ATM: variants seen among roughly 807,000 people sequenced by gnomAD.
The protein encoded by ATM is serine-protein kinase ATM.
Under a neutral mutation model 387.0 loss-of-function variants are expected in ATM, and 308 were observed. The ratio of observed to expected loss-of-function variants is 0.80; its 90% CI spans 0.73 to 0.87. The LOEUF (loss-of-function observed/expected upper bound fraction) is 0.87, where lower values mean the gene tolerates loss of function less well. ATM is among the 40% of genes least tolerant of loss of function. ATM has a pLI of 0.00. For missense variants in ATM, 3,312 were observed against 3,560.9 expected (o/e 0.93, Z 1.78); for synonymous variants, 1,156 against 1,187.3 (o/e 0.97, Z 0.54).
In ATM at chr11:108,364,976, C is replaced by G. The variant is rs548090330; in HGVS notation, c.8851-106C>G. The G allele has an allele frequency of 3.6e-5, 48 of 1,316,232 alleles. No individual in the cohort carries two copies. The East Asian group carries it at 1.1e-3, about 31-fold the overall frequency. 81.5% of individuals were successfully genotyped at this position (1,316,232 alleles called of 1,614,324 possible). A position where few individuals can be genotyped will look rare whatever the true frequency, so the allele number is the denominator to read the frequency against. On this transcript the variant is annotated intron_variant, in intron 61 of 62. Coordinates refer to ENST00000675843, the MANE Select transcript of ATM (RefSeq NM_000051.4). ...CATGATGTTTGTTCCCCTCCCCCAT[C>G]AACTACCATGTGACTGGCTTATTTG... is the stretch of plus-strand genomic sequence containing the variant.
intron 4 of ATM, among the ~76,000 whole-genome samples, chr11:108,233,815 C>G (rs374756852): frequency 6.6e-6 from 1 of 151,976 alleles, no homozygotes. Context: ...CCACTGCACT[C>G]CAGCTTGGGT....
At chr11:108,334,454 A>C (rs575343577) in intron 54 of ATM, among the ~76,000 whole-genome samples, 1 of 152,352 alleles carries the variant, frequency 6.6e-6, no homozygotes, top group African/African-American at 2.4e-5. Context: ...TATTGCAAGA[A>C]ATAATGGAAG....
chr11:108,283,251 G>C (rs942087128), intron 25 of ATM, among the ~76,000 whole-genome samples: 2 of 152,162 alleles, frequency 1.3e-5, no homozygotes, highest in African/African-American at 4.8e-5. Flanking sequence ...ATTACTAGTA[G>C]CTGGTTATTT....
Position 108,250,834 on chromosome 11 carries a change from C to T in ATM, c.1369C>T (p.Arg457Ter), listed in dbSNP as rs749036865. The change falls in exon 10 of 63, where the codon CGA becomes TGA. Residue 457 changes from arginine (R) to a stop codon, truncating the protein, a stop_gained. Coordinates refer to ENST00000675843, the MANE Select transcript of ATM (RefSeq NM_000051.4). LOFTEE classifies it high-confidence loss of function. ...RHGERTPYVL[R>*]CLTEVALCQD... ...TGGGGAACGTACACCATATGTGTTA[C>T]GATGCCTTACGGAAGTTGCATTGTG... The T allele has an allele frequency of 5.6e-6, 9 of 1,613,956 alleles. No individual in the cohort carries two copies. The highest frequency in any genetic ancestry group is 2.2e-5 in the East Asian group (1 of 44,898).
intron 16 of ATM, among the ~76,000 whole-genome samples, chr11:108,266,728 G>A (rs1187620370): frequency 4.6e-5 from 7 of 151,342 alleles, no homozygotes; most frequent in Admixed American, 1.3e-4. Flanking sequence ...TGGACATTTA[G>A]TAGAAAAAGT....
At chr11:108,364,998 T>A (rs2137856910) in intron 61 of ATM, 84 bp from the exon 62 acceptor site, 1 of 1,506,746 alleles carries the variant, frequency 6.6e-7, no homozygotes, top group Non-Finnish European at 9.1e-7. Context: ...GACTGGCTTA[T>A]TTGTATGATA....
chr11:108,360,722 A>T (rs2090626792), intron 61 of ATM, among the ~76,000 whole-genome samples: 1 of 141,850 alleles, frequency 7.0e-6, no homozygotes, highest in South Asian at 2.4e-4. Context: ...TAGATGCAGA[A>T]AAAGCCTTTG....
chr11:108,358,099 A>C (rs1392001435), intron 61 of ATM, among the ~76,000 whole-genome samples: 1 of 151,106 alleles, frequency 6.6e-6, no homozygotes, highest in Admixed American at 6.6e-5. Context: ...GAAGTGCTTA[A>C]AGGAGCTGAT....
intron 56 of ATM, among the ~76,000 whole-genome samples, chr11:108,341,227 G>A (rs1440476320): frequency 2.0e-5 from 3 of 152,024 alleles, no homozygotes; most frequent in African/African-American, 7.2e-5. Flanking sequence ...GGGCTTTTCT[G>A]CTTCTGCCTG....
chr11:108,257,783 A>G (rs956903544), intron 15 of ATM, among the ~76,000 whole-genome samples, 177 bp downstream of exon 15: 1 of 151,758 alleles, frequency 6.6e-6, no homozygotes, highest in South Asian at 2.1e-4. Context: ...CCTAGCTAAA[A>G]TTTTCTTTTT....
intron 18 of ATM, 77 bp from the exon 19 acceptor site, chr11:108,270,987 C>T: frequency 1.6e-6 from 2 of 1,265,510 alleles, no homozygotes; most frequent in Admixed American, 1.8e-5. Context: ...AGCCACTGCA[C>T]CCGGCCTATG....
intron 36 of ATM, among the ~76,000 whole-genome samples, chr11:108,304,373 T>C (rs2083571813): frequency 6.6e-6 from 1 of 152,326 alleles, no homozygotes; most frequent in Non-Finnish European, 1.5e-5. Flanking sequence ...AGTGGTGATA[T>C]AATTTCATTT....
rs35813860 is a variant in ATM, at chr11:108,248,888, C to CA, written c.1066-31dup. 129,473 of 1,148,536 alleles carry CA rather than the reference C, an allele frequency of 0.11. 40 individuals carry two copies. Among genetic ancestry groups the CA allele is most frequent in the Non-Finnish European group, 0.12 (102,710 of 848,684 alleles). 71.1% of individuals were successfully genotyped at this position (1,148,536 alleles called of 1,614,324 possible). On this transcript the variant is annotated intron_variant, in intron 8 of 62. Coordinates refer to ENST00000675843, the MANE Select transcript of ATM (RefSeq NM_000051.4). ...GGGCAACAACAGCGAAACTCTGGCT[C>CA]AAAAAAAAAAAAAAGAAAAAAGTGG...
chr11:108,331,887 T>C lies in ATM; in HGVS notation c.7638T>C (p.Ser2546=), dbSNP rs2136515309. The C allele has an allele frequency of 6.2e-7, 1 of 1,613,358 alleles. No individual in the cohort carries two copies. Among genetic ancestry groups the C allele is most frequent in the East Asian group, 2.2e-5 (1 of 44,826 alleles). Residue 2546 remains serine, a synonymous_variant, in exon 52 of 63, where the codon TCT becomes TCC. Transcript: ENST00000675843. ...GFHEVLNNLI[S]RISMDHPHHT... ...TAGTTCTTTTCTTACAGCTAATCTCTAGAATTTCAATGGATCACCCCCATC... is the reference window on the plus strand; with the variant it reads ...TAGTTCTTTTCTTACAGCTAATCTCCAGAATTTCAATGGATCACCCCCATC...
intron 59 of ATM, among the ~76,000 whole-genome samples, chr11:108,349,879 T>C (rs1311771073): frequency 6.6e-6 from 1 of 152,154 alleles, no homozygotes; most frequent in African/African-American, 2.4e-5. Flanking sequence ...GCATTGGCTT[T>C]AGATTGGAGG....
intron 5 of ATM, among the ~76,000 whole-genome samples, chr11:108,240,482 G>C (rs903922821): frequency 8.5e-5 from 13 of 152,154 alleles, no homozygotes; most frequent in Admixed American, 3.3e-4. Context: ...GTCATAGGGT[G>C]TATTTATACA....
chr11:108,278,259 C>T (rs1018901765), intron 22 of ATM, among the ~76,000 whole-genome samples: 1 of 152,088 alleles, frequency 6.6e-6, no homozygotes, highest in African/African-American at 2.4e-5. Context: ...TTTAGTAAGA[C>T]CATAATGCAT....
At chr11:108,262,323 A>G (rs913168081) in intron 16 of ATM, among the ~76,000 whole-genome samples, 1 of 152,108 alleles carries the variant, frequency 6.6e-6, no homozygotes, top group African/African-American at 2.4e-5. Context: ...AGTGGGGGCC[A>G]ATATTCAACA....
chr11:108,282,758 T>A lies in ATM; in HGVS notation c.3625T>A (p.Phe1209Ile), dbSNP rs1555092334. The A allele has an allele frequency of 6.2e-7, 1 of 1,613,198 alleles. No homozygotes were observed. The change falls in exon 25 of 63, where the codon TTT becomes ATT. Residue 1209 changes from phenylalanine to isoleucine, a missense_variant. Phe to Ile is a conservative substitution (Grantham distance 21). Around this residue, in one of 4 missense-constraint regions of ATM, gnomAD observed 1,791 missense variants for 1,804.5 expected, o/e 0.99. Transcript: ENST00000675843. ...TTTTGGATATAGACGTTTAGAAGAC[T>A]TTATGGCATCTCATTTAGATTATCT... ...ETFGYRRLEDFMASHLDYLVL... is the reference protein window; with the variant it reads ...ETFGYRRLEDIMASHLDYLVL...
Sources: allele counts gnomAD v4.1 joint callset (sites outside exome capture counted in the v4.1 genomes callset), GRCh38; gene constraint gnomAD v4.1.1; regional missense constraint gnomAD v4.1.1; transcripts MANE v1.5; gene names NCBI Gene and HGNC (gene_info 2026-07-23, HGNC 2026-07-21).